The following PLS1 variants were observed in gnomAD, a reference collection of about 807,000 sequenced individuals.
PLS1 encodes the protein plastin-1.
PLS1 carries 32 observed loss-of-function variants against 73.7 expected under a neutral mutation model. The observed-to-expected ratio is 0.43, with a 90% CI of 0.33 to 0.58. PLS1 has a LOEUF of 0.58. Among genes scored for constraint, PLS1 ranks in the 20% least tolerant of loss-of-function variants. PLS1 has a pLI of 0.04. For synonymous variants in PLS1, 217 were observed against 261.3 expected (o/e 0.83, Z 1.63); for missense variants, 633 against 740.5 (o/e 0.85, Z 1.68).
At chr3:142,696,759 T>C (rs73868118) in intron 11 of PLS1, among the ~76,000 whole-genome samples, 273 of 146,336 alleles carry the variant, frequency 1.9e-3, no homozygotes, top group African/African-American at 6.4e-3. Flanking sequence ...ATAATAATAA[T>C]ACCATACTAG....
At chr3:142,642,036 C>T (rs941982204) in intron 1 of PLS1, among the ~76,000 whole-genome samples, 3 of 151,994 alleles carry the variant, frequency 2.0e-5, no homozygotes, top group Non-Finnish European at 4.4e-5. Flanking sequence ...ATATCTGGCT[C>T]TGGAGGTTTC....
rs755364797 is a variant in PLS1 at position 142,689,860 on chromosome 3, T to A, written c.1177+47T>A. ...TTGACTTGCTATATTTATCTTCTTATGGTATTGTCTTACTTCACTGTCAGA... is the reference window on the plus strand; with the variant it reads ...TTGACTTGCTATATTTATCTTCTTAAGGTATTGTCTTACTTCACTGTCAGA... On this transcript the variant is annotated intron_variant, in intron 10 of 15. Coordinates refer to ENST00000457734, the MANE Select transcript of PLS1 (RefSeq NM_001145319.2). The A allele has an allele frequency of 2.1e-5, 25 of 1,218,128 alleles. No homozygotes were observed. In the East Asian group the frequency reaches 6.2e-4, roughly 30 times the overall value. 75.5% of individuals were successfully genotyped at this position (1,218,128 alleles called of 1,614,324 possible). A position where few individuals can be genotyped will look rare whatever the true frequency, so the allele number is the denominator to read the frequency against.
intron 1 of PLS1, among the ~76,000 whole-genome samples, chr3:142,658,012 G>A (rs1314244389): frequency 6.6e-6 from 1 of 151,854 alleles, no homozygotes; most frequent in Non-Finnish European, 1.5e-5. Flanking sequence ...TGTGGCTTTG[G>A]ATTAAGAAGC....
At chr3:142,703,834 AT>A (rs1247926511) in intron 12 of PLS1, 33 bp from the exon 13 acceptor site, 4 of 1,508,488 alleles carry the variant, frequency 2.7e-6, no homozygotes, top group Non-Finnish European at 3.7e-6. Context: ...GTTTTTAAAA[AT>A]CTTTTTATAC....
At chr3:142,641,188 T>TAA (rs1222638803) in intron 1 of PLS1, among the ~76,000 whole-genome samples, 7 of 145,548 alleles carry the variant, frequency 4.8e-5, no homozygotes, top group Middle Eastern at 3.3e-3. Context: ...TATATATATA[T>TAA]AATCTGTCTA....
intron 1 of PLS1, among the ~76,000 whole-genome samples, chr3:142,661,534 T>C (rs1297173102): frequency 3.9e-5 from 6 of 152,190 alleles, no homozygotes; most frequent in African/African-American, 9.6e-5. Flanking sequence ...GCCATACTCT[T>C]AGAGGGCTTC....
At chr3:142,703,515 C>T (rs1219839623) in intron 12 of PLS1, among the ~76,000 whole-genome samples, 1 of 152,006 alleles carries the variant, frequency 6.6e-6, no homozygotes, top group Non-Finnish European at 1.5e-5. Flanking sequence ...AGGCTGGTCT[C>T]GAACTCTTGA....
At chr3:142,613,472 G>A (rs1412124992) in intron 1 of PLS1, among the ~76,000 whole-genome samples, 1 of 151,470 alleles carries the variant, frequency 6.6e-6, no homozygotes, top group African/African-American at 2.4e-5. Context: ...GCAAGACTCT[G>A]TCTCAAAAGA....
rs1430447352 is a variant in PLS1, at chr3:142,711,484, T to G, written c.1630-17T>G. 2.6e-6 allele frequency: 4 copies of G among 1,546,748 alleles called. No homozygotes were observed. Among genetic ancestry groups the G allele is most frequent in the Non-Finnish European group, 3.6e-6 (4 of 1,123,856 alleles). On this transcript the variant is annotated splice_polypyrimidine_tract_variant and intron_variant, in intron 14 of 15. Coordinates refer to ENST00000457734, the MANE Select transcript of PLS1 (RefSeq NM_001145319.2). ...GGTCAGATGTTTATGAATGTTCATCTATGCTTTATTTTCTAGGATAAATCT... is the reference window on the plus strand; with the variant it reads ...GGTCAGATGTTTATGAATGTTCATCGATGCTTTATTTTCTAGGATAAATCT...
Position 142,599,565 on chromosome 3 carries a change from A to G in PLS1, c.-37+3056A>G, listed in dbSNP as rs546883117. Among the ~76,000 whole-genome samples, 4 of 151,418 alleles carry G rather than the reference A, an allele frequency of 2.6e-5. No homozygotes were observed. In the South Asian group the frequency reaches 6.3e-4, roughly 24 times the overall value. On this transcript the variant is annotated intron_variant, in intron 1 of 15. Transcript: ENST00000457734. ...AGGATGGTCTCGATCTCCTGACCTC[A>G]TGATCCACCCGCCTCGGCCTCCCAA...
chr3:142,671,221 G>T, intron 4 of PLS1, 99 bp downstream of exon 4: 3 of 1,018,778 alleles, frequency 2.9e-6, no homozygotes, highest in East Asian at 2.5e-5. Flanking sequence ...GATTCATACC[G>T]TTATTTTATG....
intron 1 of PLS1, among the ~76,000 whole-genome samples, chr3:142,598,519 C>T (rs549435744): frequency 8.1e-4 from 123 of 152,172 alleles, no homozygotes; most frequent in Non-Finnish European, 1.5e-3. Flanking sequence ...AAACACGGGT[C>T]AGTTGGTCCA....
At chr3:142,694,448 G>A in intron 10 of PLS1, 21 bp from the exon 11 acceptor site, 2 of 1,512,434 alleles carry the variant, frequency 1.3e-6, no homozygotes, top group Non-Finnish European at 1.8e-6. Context: ...AGTCATCAGT[G>A]TGAGCTTGTG....
intron 1 of PLS1, among the ~76,000 whole-genome samples, chr3:142,619,196 A>G (rs2036271110): frequency 1.3e-5 from 2 of 152,226 alleles, no homozygotes; most frequent in African/African-American, 2.4e-5. Flanking sequence ...CACAACATTT[A>G]TCTCTGTGAG....
At position 142,694,485 on chromosome 3, in the gene PLS1, G is replaced by A; in HGVS notation, c.1194G>A (p.Glu398=). ...MNLLEGESKE[E]RTFRNWMNSL... is the part of the protein sequence containing the mutation. Reference sequence around the variant, plus strand: ...CTACTCTAGGAGAGAGCAAGGAAGAGAGAACATTTCGGAACTGGATGAATT... The same window carrying A: ...CTACTCTAGGAGAGAGCAAGGAAGAAAGAACATTTCGGAACTGGATGAATT... The change falls in exon 11 of 16, where the codon GAG becomes GAA. Residue 398 remains glutamate (E), a synonymous_variant. Transcript: ENST00000457734. 6.2e-7 allele frequency: 1 copy of A among 1,604,040 alleles called. No individual in the cohort carries two copies. Among genetic ancestry groups the A allele is most frequent in the Non-Finnish European group, 8.5e-7 (1 of 1,171,052 alleles).
intron 1 of PLS1, among the ~76,000 whole-genome samples, chr3:142,626,508 T>A (rs916011538): frequency 3.9e-5 from 6 of 152,232 alleles, no homozygotes; most frequent in Non-Finnish European, 8.8e-5. Context: ...TTTTTAAATC[T>A]ATTGTTAACT....
chr3:142,628,139 C>T (rs1220447795), intron 1 of PLS1, among the ~76,000 whole-genome samples: 1 of 152,134 alleles, frequency 6.6e-6, no homozygotes, highest in Non-Finnish European at 1.5e-5. Flanking sequence ...TGATTCATGA[C>T]ATCATTGCTT....
intron 11 of PLS1, among the ~76,000 whole-genome samples, chr3:142,696,720 AAATAAT>A (rs370809568): frequency 0.011 from 1,558 of 136,848 alleles, 30 homozygotes; most frequent in Admixed American, 0.04. Flanking sequence ...TCTATTTGCA[AAATAAT>A]AATAATAATA....
chr3:142,626,462 C>G (rs2036430562), intron 1 of PLS1, among the ~76,000 whole-genome samples: 2 of 151,822 alleles, frequency 1.3e-5, no homozygotes, highest in Non-Finnish European at 2.9e-5. Context: ...CTAAGGCAGA[C>G]AGGAGTTAAA....
Sources: gnomAD v4.1 joint callset for allele counts (sites outside exome capture counted in the v4.1 genomes callset) on GRCh38, gnomAD v4.1.1 for gene constraint, MANE v1.5 for transcripts, NCBI Gene and HGNC (gene_info 2026-07-23, HGNC 2026-07-21) for gene names.